Variants in C12orf42 observed in about 807,000 individuals in gnomAD.
The protein encoded by C12orf42 is chromosome 12 open reading frame 42, also known as uncharacterized protein C12orf42.
C12orf42 carries 25 observed loss-of-function variants against 21.6 expected under a neutral mutation model. The observed-to-expected ratio is 1.16, with a 90% CI of 0.84 to 1.62. The LOEUF (loss-of-function observed/expected upper bound fraction) is 1.62. C12orf42 is among the 40% of genes most tolerant of loss of function. The pLI is 0.00. For synonymous variants in C12orf42, 174 were observed against 175.0 expected (o/e 0.99, Z 0.05); for missense variants, 483 against 459.3 (o/e 1.05, Z -0.47).
At chr12:103,463,713 A>G (rs1952898765) in intron 2 of C12orf42, among the ~76,000 whole-genome samples, 1 of 152,120 alleles carries the variant, frequency 6.6e-6, no homozygotes, top group African/African-American at 2.4e-5. Context: ...TTAAGCCCAC[A>G]TGCATTAACT....
At chr12:103,166,893 T>A in the C12orf42 span, among the ~76,000 whole-genome samples, 1 of 152,220 alleles carries the variant, frequency 6.6e-6, no homozygotes, top group African/African-American at 2.4e-5. Context: ...CACTTAGTAA[T>A]GGCTCAGAAA....
chr12:103,298,154 G>A (rs1217163303), downstream of C12orf42, among the ~76,000 whole-genome samples: 1 of 151,798 alleles, frequency 6.6e-6, no homozygotes, highest in Non-Finnish European at 1.5e-5. Context: ...AGGAAAAGAG[G>A]AAGTCAAATT....
the C12orf42 span, among the ~76,000 whole-genome samples, chr12:103,522,759 C>A: frequency 1.3e-5 from 2 of 152,246 alleles, no homozygotes; most frequent in African/African-American, 4.8e-5. Flanking sequence ...CTTTCACTCC[C>A]TGCACCTTGA....
At chr12:103,318,175 G>T (rs1418495837) in intron 4 of C12orf42, among the ~76,000 whole-genome samples, 2 of 152,076 alleles carry the variant, frequency 1.3e-5, no homozygotes, top group Admixed American at 6.6e-5. Flanking sequence ...TGTAGTCTTA[G>T]CTACTCCAGA....
chr12:103,294,463 A>AAAT (rs2037054793), intron 4 of C12orf42, among the ~76,000 whole-genome samples: 1 of 134,134 alleles, frequency 7.5e-6, no homozygotes, highest in African/African-American at 3.1e-5. Context: ...AGAAAGAAAG[A>AAAT]AAGAAAGAAA....
At chr12:103,321,471 T>C (rs2040115237) in intron 4 of C12orf42, among the ~76,000 whole-genome samples, 1 of 144,406 alleles carries the variant, frequency 6.9e-6, no homozygotes, top group Non-Finnish European at 1.5e-5. Flanking sequence ...TCCTCAGGGA[T>C]CTAGAACTAG....
the C12orf42 span, among the ~76,000 whole-genome samples, chr12:103,230,387 C>T: frequency 6.6e-6 from 1 of 152,084 alleles, no homozygotes. Context: ...CTAGAGCAAG[C>T]TGGCTTGGTA....
At chr12:103,315,049 C>A (rs993276055) in intron 4 of C12orf42, among the ~76,000 whole-genome samples, 2 of 152,120 alleles carry the variant, frequency 1.3e-5, no homozygotes, top group African/African-American at 4.8e-5. Flanking sequence ...AAATTTGAAG[C>A]CTCTGACCCC....
chr12:103,485,266 A>G (rs1698810571), intron 1 of C12orf42, among the ~76,000 whole-genome samples: 1 of 152,168 alleles, frequency 6.6e-6, no homozygotes, highest in Non-Finnish European at 1.5e-5. Context: ...AGGTTTGTCA[A>G]AGATCAGATG....
the C12orf42 span, among the ~76,000 whole-genome samples, chr12:103,523,356 A>G: frequency 6.6e-6 from 1 of 151,940 alleles, no homozygotes; most frequent in Non-Finnish European, 1.5e-5. Flanking sequence ...AATGTTACTG[A>G]TTTTTTATAG....
intron 2 of C12orf42, among the ~76,000 whole-genome samples, chr12:103,410,792 A>C (rs2048781342): frequency 6.6e-6 from 1 of 152,222 alleles, no homozygotes; most frequent in Non-Finnish European, 1.5e-5. Flanking sequence ...AATCAGATTA[A>C]AAGTAGAAGA....
At chr12:103,106,039 G>A in the C12orf42 span, among the ~76,000 whole-genome samples, 1 of 152,076 alleles carries the variant, frequency 6.6e-6, no homozygotes, top group African/African-American at 2.4e-5. Flanking sequence ...TACCAAGCAC[G>A]CTGAAAACGG....
chr12:103,280,389 A>C (rs1806475), intron 4 of C12orf42, among the ~76,000 whole-genome samples: 8,491 of 152,230 alleles, frequency 0.056, 594 homozygotes, highest in African/African-American at 0.16. Flanking sequence ...AGGCCGAGGC[A>C]GGCAGATCAT....
chr12:103,422,290 G>A (rs951816711), intron 2 of C12orf42, among the ~76,000 whole-genome samples: 2 of 152,266 alleles, frequency 1.3e-5, no homozygotes, highest in South Asian at 2.1e-4. Context: ...CTCTGAAATG[G>A]AAGAGAATTG....
At chr12:103,193,086 A>G in the C12orf42 span, among the ~76,000 whole-genome samples, 1 of 152,212 alleles carries the variant, frequency 6.6e-6, no homozygotes, top group African/African-American at 2.4e-5. Context: ...TGAATAAAAA[A>G]TGAAAAGGAA....
intron 3 of C12orf42, among the ~76,000 whole-genome samples, chr12:103,379,418 C>T (rs777139096): frequency 2.0e-4 from 30 of 152,134 alleles, no homozygotes; most frequent in Admixed American, 1.2e-3. Flanking sequence ...GACCATCACA[C>T]GCTTCTAACT....
chr12:103,339,317 A>G (rs994472246), intron 4 of C12orf42, among the ~76,000 whole-genome samples: 1 of 152,188 alleles, frequency 6.6e-6, no homozygotes, highest in African/African-American at 2.4e-5. Flanking sequence ...TATTAAGCCT[A>G]GTACCCATTA....
the C12orf42 span, among the ~76,000 whole-genome samples, chr12:103,063,478 C>T: frequency 6.6e-6 from 1 of 152,188 alleles, no homozygotes; most frequent in Non-Finnish European, 1.5e-5. Context: ...AGCTTGTAAA[C>T]TCTGATGAAA....
chr12:103,074,529 T>C, the C12orf42 span, among the ~76,000 whole-genome samples: 5 of 152,124 alleles, frequency 3.3e-5, no homozygotes, highest in Non-Finnish European at 7.3e-5. Flanking sequence ...TGTGCAAAGA[T>C]AGGGCACCCC....
Sources: gnomAD v4.1 joint callset for allele counts (sites outside exome capture counted in the v4.1 genomes callset) on GRCh38, gnomAD v4.1.1 for gene constraint, MANE v1.5 for transcripts, NCBI Gene and HGNC (gene_info 2026-07-23, HGNC 2026-07-21) for gene names.